PWP1: variants seen among roughly 807,000 people sequenced by gnomAD.
PWP1 encodes the protein periodic tryptophan protein 1 homolog.
PWP1 carries 47 observed loss-of-function variants against 69.9 expected under a neutral mutation model. The observed-to-expected ratio is 0.67, with a 90% CI of 0.53 to 0.86. The LOEUF is 0.86. PWP1 is among the 40% of genes least tolerant of loss of function. The pLI, the probability that PWP1 is intolerant of heterozygous loss-of-function variation, is 0.00. For missense variants in PWP1, 551 were observed against 608.8 expected (o/e 0.91, Z 1.00); for synonymous variants, 222 against 208.2 (o/e 1.07, Z -0.57).
chr12:107,705,543 C>G (rs1889805231), intron 11 of PWP1, among the ~76,000 whole-genome samples: 1 of 134,714 alleles, frequency 7.4e-6, no homozygotes. Flanking sequence ...CGACAGGCCC[C>G]AGTGTGTGAT....
chr12:107,703,948 G>A (rs1429520110), intron 10 of PWP1, among the ~76,000 whole-genome samples: 1 of 152,186 alleles, frequency 6.6e-6, no homozygotes, highest in Non-Finnish European at 1.5e-5. Flanking sequence ...TATAACTGTA[G>A]GAACTAGCAA....
chr12:107,703,575 A>C (rs1889755399), intron 9 of PWP1, 110 bp from the exon 10 acceptor site: 1 of 908,316 alleles, frequency 1.1e-6, no homozygotes, highest in Admixed American at 1.8e-5. Context: ...ACTGTATTTC[A>C]GAGGGACGCA....
chr12:107,708,918 C>G lies in PWP1; in HGVS notation c.1078-8C>G. 2 of 1,611,690 alleles carry G rather than the reference C, an allele frequency of 1.2e-6. No individual in the cohort carries two copies. Among genetic ancestry groups the G allele is most frequent in the Admixed American group, 1.7e-5 (1 of 59,820 alleles). On this transcript the variant is annotated splice_region_variant and splice_polypyrimidine_tract_variant and intron_variant, in intron 11 of 14. Transcript: ENST00000412830. Reference sequence around the variant, plus strand: ...AGCATGACCTTGCCCATCTTTTACTCTTTCTAGGCCAGTACAGATGACGGC... The same window carrying G: ...AGCATGACCTTGCCCATCTTTTACTGTTTCTAGGCCAGTACAGATGACGGC...
At chr12:107,709,328 T>A in intron 13 of PWP1, 96 bp downstream of exon 13, 1 of 1,440,536 alleles carries the variant, frequency 6.9e-7, no homozygotes, top group Non-Finnish European at 9.4e-7. Context: ...TTGGAACTAT[T>A]GCATTAACAA....
intron 3 of PWP1, among the ~76,000 whole-genome samples, chr12:107,691,314 A>G (rs532581741): frequency 6.6e-6 from 1 of 152,352 alleles, no homozygotes; most frequent in African/African-American, 2.4e-5. Context: ...GTTGCTGGGA[A>G]GTCTGGAAGA....
At chr12:107,691,622 A>G (rs1447020839) in intron 3 of PWP1, among the ~76,000 whole-genome samples, 1 of 152,122 alleles carries the variant, frequency 6.6e-6, no homozygotes, top group Admixed American at 6.5e-5. Flanking sequence ...GGAGTTTAGC[A>G]TCATCCTAGT....
At position 107,699,396 on chromosome 12, in the gene PWP1, C is replaced by T. The variant is rs371811595; in HGVS notation, c.768C>T (p.Thr256=). Reference sequence around the variant, plus strand: ...AGAGTTCCTCAGCAGAAGGGCATACCGATGCTGTCCTTGACCTTTCATGGA... The same window carrying T: ...AGAGTTCCTCAGCAGAAGGGCATACTGATGCTGTCCTTGACCTTTCATGGA... ...GKKSSSAEGH[T]DAVLDLSWNK... Residue 256 remains threonine (T), a synonymous_variant, in exon 8 of 15, where the codon ACC becomes ACT. Coordinates refer to ENST00000412830, the MANE Select transcript of PWP1 (RefSeq NM_007062.3). 25 of 1,612,912 alleles carry T rather than the reference C, an allele frequency of 1.5e-5. No homozygotes were observed. The highest frequency in any genetic ancestry group is 4.5e-5 in the East Asian group (2 of 44,876).
chr12:107,687,840 C>T (rs12423668), intron 1 of PWP1, among the ~76,000 whole-genome samples: 41,826 of 151,426 alleles, frequency 0.28, 6,398 homozygotes, highest in East Asian at 0.6. Flanking sequence ...CAGACCAGCC[C>T]GGCCAACATG....
intron 3 of PWP1, among the ~76,000 whole-genome samples, chr12:107,690,254 T>C (rs1422450830): frequency 6.6e-6 from 1 of 152,168 alleles, no homozygotes; most frequent in Non-Finnish European, 1.5e-5. Context: ...TGGTGGCTCA[T>C]GTCTAATCCC....
chr12:107,702,037 A>C (rs1889722415), intron 8 of PWP1, among the ~76,000 whole-genome samples: 1 of 152,190 alleles, frequency 6.6e-6, no homozygotes, highest in Non-Finnish European at 1.5e-5. Context: ...CCTTGTCAAA[A>C]ACCAGTGACT....
intron 10 of PWP1, among the ~76,000 whole-genome samples, chr12:107,704,161 C>T (rs1048686205): frequency 6.6e-6 from 1 of 152,210 alleles, no homozygotes; most frequent in African/African-American, 2.4e-5. Flanking sequence ...ACCAACTTTG[C>T]AGTCTTTATT....
At chr12:107,708,336 T>G (rs75926189) in intron 11 of PWP1, among the ~76,000 whole-genome samples, 1 of 152,306 alleles carries the variant, frequency 6.6e-6, no homozygotes, top group African/African-American at 2.4e-5. Flanking sequence ...TATCCTTTTT[T>G]CTTGTACTGG....
intron 11 of PWP1, among the ~76,000 whole-genome samples, chr12:107,705,372 G>A (rs1403467259): frequency 1.4e-5 from 2 of 141,320 alleles, no homozygotes; most frequent in African/African-American, 5.2e-5. Flanking sequence ...GTGAGAAAGA[G>A]TTTTTTTTTT....
At chr12:107,708,148 G>A (rs905953777) in intron 11 of PWP1, among the ~76,000 whole-genome samples, 5 of 152,196 alleles carry the variant, frequency 3.3e-5, no homozygotes, top group South Asian at 2.1e-4. Context: ...CTTCAGGTAC[G>A]CAACTTCCAG....
intron 14 of PWP1, among the ~76,000 whole-genome samples, chr12:107,711,198 A>T (rs1031409661): frequency 6.6e-6 from 1 of 152,240 alleles, no homozygotes; most frequent in Non-Finnish European, 1.5e-5. Flanking sequence ...CAGCAGGAAC[A>T]TGCCCTTAAG....
In PWP1 at chr12:107,712,786, A is replaced by G. The variant is rs1359739447; in HGVS notation, c.*566A>G. The stretch of plus-strand genomic sequence containing the variant: ...TTCACTGTTATCAAAGACAAGAGGC[A>G]GACCATTCATTCATTCTCAAAACAC... On this transcript the variant is annotated 3_prime_UTR_variant, in exon 15 of 15. Transcript: ENST00000412830. 2.0e-5 allele frequency: 3 copies of G among 152,484 alleles called. No individual in the cohort carries two copies. The highest frequency in any genetic ancestry group is 4.4e-5 in the Non-Finnish European group (3 of 68,250). 9.4% of individuals were successfully genotyped at this position (152,484 alleles called of 1,614,324 possible).
At chr12:107,694,229 C>T (rs1355687993) in intron 5 of PWP1, among the ~76,000 whole-genome samples, 1 of 152,170 alleles carries the variant, frequency 6.6e-6, no homozygotes, top group South Asian at 2.1e-4. Flanking sequence ...TTGTCCCTTC[C>T]ACTGCGCTCA....
rs538693026 is a variant in PWP1, at chr12:107,703,597, A to T, written c.904-88A>T. ...TTCAGAGGGACGCATTTATAGAAAT[A>T]CTGTCAAATAGATTCTTACCACATG... On this transcript the variant is annotated intron_variant, in intron 9 of 14. Coordinates refer to ENST00000412830, the MANE Select transcript of PWP1 (RefSeq NM_007062.3). 35 of 1,109,366 alleles carry T rather than the reference A, an allele frequency of 3.2e-5. No homozygotes were observed. The African/African-American group carries it at 4.5e-4, about 14-fold the overall frequency. The allele number at this position is 1,109,366 out of a possible 1,614,324, so 68.7% of individuals were successfully genotyped here. A position where few individuals can be genotyped will look rare whatever the true frequency, so the allele number is the denominator to read the frequency against.
At chr12:107,707,629 C>T (rs903764599) in intron 11 of PWP1, among the ~76,000 whole-genome samples, 1 of 152,058 alleles carries the variant, frequency 6.6e-6, no homozygotes, top group Non-Finnish European at 1.5e-5. Flanking sequence ...TTGTCAAAGG[C>T]CTTTTCTGCA....
Sources: gnomAD v4.1 joint callset for allele counts (sites outside exome capture counted in the v4.1 genomes callset) on GRCh38, gnomAD v4.1.1 for gene constraint, MANE v1.5 for transcripts, NCBI Gene and HGNC (gene_info 2026-07-23, HGNC 2026-07-21) for gene names.